ARHGEF10L: variants seen among roughly 807,000 people sequenced by gnomAD.
ARHGEF10L encodes Rho guanine nucleotide exchange factor 10 like.
A neutral mutation model predicts 141.2 loss-of-function variants in ARHGEF10L; 69 were observed. That is an observed-to-expected ratio of 0.49 (90% CI 0.40 to 0.60). ARHGEF10L has a LOEUF of 0.60. Ranked by LOEUF, ARHGEF10L falls within the 20% of genes least tolerant of loss-of-function variation. The probability of loss-of-function intolerance (pLI) is 0.00; values close to 1 mark genes in which losing one functional copy is unlikely to be tolerated. For synonymous variants in ARHGEF10L, 711 were observed against 718.5 expected (o/e 0.99, Z 0.17); for missense variants, 1,482 against 1,734.3 (o/e 0.85, Z 2.58).
chr1:17,610,565 A>G (rs954042718), intron 7 of ARHGEF10L, among the ~76,000 whole-genome samples: 6 of 152,154 alleles, frequency 3.9e-5, no homozygotes, highest in African/African-American at 9.7e-5. Context: ...CAGGGACTCT[A>G]CTGAGCCTGC....
chr1:17,680,030 T>C (rs1165589173), intron 26 of ARHGEF10L, among the ~76,000 whole-genome samples: 2 of 152,170 alleles, frequency 1.3e-5, no homozygotes, highest in East Asian at 1.9e-4. Context: ...GAGGACAGCA[T>C]GTGAGCTTGG....
rs914324907 is a variant in ARHGEF10L, at chr1:17,557,405, CT to C, written c.-44+17459del. 2.5e-4 allele frequency among the ~76,000 whole-genome samples: 38 copies of C among 152,246 alleles called. 1 individual carries two copies. Among genetic ancestry groups the C allele is most frequent in the African/African-American group, 9.1e-4 (38 of 41,534 alleles). On this transcript the variant is annotated intron_variant, in intron 1 of 28. Coordinates refer to ENST00000361221, the MANE Select transcript of ARHGEF10L (RefSeq NM_018125.4). ...AGAAAATGCGTAGGAACATGCTAAC[CT>C]TTTGGGGTTGGTGACGGGCTCTGTG...
rs116382965 is a variant in ARHGEF10L, at chr1:17,625,070, C to T, written c.1317+567C>T. ...TGCAACTGGGCTAGGTGCCAGGACA[C>T]GCACACATGTGCCGGCAGCACAGGT... is the stretch of plus-strand genomic sequence containing the variant. On this transcript the variant is annotated intron_variant, in intron 13 of 28. Coordinates refer to ENST00000361221, the MANE Select transcript of ARHGEF10L (RefSeq NM_018125.4). This position sits in a 1 kb window ranked among gnomAD's most constrained non-coding sequence, Gnocchi z 4.5. 0.023 allele frequency among the ~76,000 whole-genome samples: 3,523 copies of T among 152,296 alleles called. 144 individuals carry two copies. The highest frequency in any genetic ancestry group is 0.081 in the African/African-American group (3,354 of 41,538).
chr1:17,624,943 G>T (rs1183601575), intron 13 of ARHGEF10L, among the ~76,000 whole-genome samples: 1 of 152,210 alleles, frequency 6.6e-6, no homozygotes, highest in Non-Finnish European at 1.5e-5. Flanking sequence ...GCTTCGAAAA[G>T]CTTCTGAGTT....
At chr1:17,659,545 G>A (rs984387867) in intron 25 of ARHGEF10L, among the ~76,000 whole-genome samples, 3 of 152,220 alleles carry the variant, frequency 2.0e-5, no homozygotes, top group Admixed American at 2.0e-4. Flanking sequence ...CATCCCAGCA[G>A]CAGAGCCAGG....
intron 5 of ARHGEF10L, 29 bp downstream of exon 5, chr1:17,602,247 C>A (rs1258948972): frequency 6.5e-7 from 1 of 1,548,412 alleles, no homozygotes; most frequent in Non-Finnish European, 8.7e-7. Context: ...CCACCGCCCA[C>A]CCCAGGTAGC....
At chr1:17,522,725 T>G in the ARHGEF10L span, among the ~76,000 whole-genome samples, 1 of 151,842 alleles carries the variant, frequency 6.6e-6, no homozygotes, top group African/African-American at 2.4e-5. Flanking sequence ...TCTGGCTGGA[T>G]CTCTTCAGTT....
chr1:17,527,874 T>C, the ARHGEF10L span, among the ~76,000 whole-genome samples: 1 of 149,768 alleles, frequency 6.7e-6, no homozygotes, highest in Non-Finnish European at 1.5e-5. Flanking sequence ...TCTTTTCTTT[T>C]TTTTTTTTTT....
intron 4 of ARHGEF10L, among the ~76,000 whole-genome samples, chr1:17,592,492 A>G (rs980903395): frequency 6.6e-6 from 1 of 151,996 alleles, no homozygotes; most frequent in African/African-American, 2.4e-5. Context: ...CTGGGAGAGG[A>G]CAGGGAGACT....
chr1:17,515,282 T>C, the ARHGEF10L span, among the ~76,000 whole-genome samples: 4 of 134,458 alleles, frequency 3.0e-5, no homozygotes, highest in African/African-American at 1.1e-4. Context: ...ATATTATTTC[T>C]TTTTCTCTCT....
At chr1:17,559,913 C>G (rs951128869) in intron 1 of ARHGEF10L, among the ~76,000 whole-genome samples, 2 of 152,100 alleles carry the variant, frequency 1.3e-5, no homozygotes, top group African/African-American at 4.8e-5. Flanking sequence ...ACTCCTGTCC[C>G]TCCACACCTC....
chr1:17,650,178 G>A (rs2061834576), intron 22 of ARHGEF10L, among the ~76,000 whole-genome samples: 1 of 152,166 alleles, frequency 6.6e-6, no homozygotes, highest in East Asian at 1.9e-4. Flanking sequence ...GGGAGGCTGA[G>A]GTGGGAGGGT....
rs1383326435 is a variant in ARHGEF10L at position 17,558,255 on chromosome 1, A to G, written c.-44+18305A>G. Reference sequence around the variant, plus strand: ...CATCCATTTATCTACCCATCCACCTACTCATTCATTCATCTATCCATCCAC... The same window carrying G: ...CATCCATTTATCTACCCATCCACCTGCTCATTCATTCATCTATCCATCCAC... On this transcript the variant is annotated intron_variant, in intron 1 of 28. Transcript: ENST00000361221. The surrounding 1 kb of genome is among the most constrained non-coding windows in gnomAD (Gnocchi z 4.2). Among the ~76,000 whole-genome samples, 2 of 151,494 alleles carry G rather than the reference A, an allele frequency of 1.3e-5. No individual in the cohort carries two copies. Among genetic ancestry groups the G allele is most frequent in the Admixed American group, 1.3e-4 (2 of 15,188 alleles).
At chr1:17,624,079 A>G (rs1442233799) in intron 12 of ARHGEF10L, among the ~76,000 whole-genome samples, 1 of 152,098 alleles carries the variant, frequency 6.6e-6, no homozygotes, top group African/African-American at 2.4e-5. Context: ...TCCTCCCTCC[A>G]CCTGTGGGCT....
chr1:17,539,872 G>T lies in ARHGEF10L; in HGVS notation c.-122G>T. 6.7e-6 allele frequency: 1 copy of T among 149,482 alleles called. No individual in the cohort carries two copies. The highest frequency in any genetic ancestry group is 2.0e-4 in the South Asian group (1 of 5,030). The allele number at this position is 149,482 out of a possible 1,614,324, so 9.3% of individuals were successfully genotyped here. On this transcript the variant is annotated 5_prime_UTR_variant, in exon 1 of 29. Coordinates refer to ENST00000361221, the MANE Select transcript of ARHGEF10L (RefSeq NM_018125.4). The surrounding 1 kb of genome is among the most constrained non-coding windows in gnomAD (Gnocchi z 6.0). ...CCATGGGCGCCCGCGGCGGCCTGCG[G>T]AGCTGGAGGCGCGGCGCCGGCCGCC...
chr1:17,513,684 G>A, the ARHGEF10L span, among the ~76,000 whole-genome samples: 2 of 152,206 alleles, frequency 1.3e-5, no homozygotes, highest in African/African-American at 4.8e-5. Flanking sequence ...GGGTCAGAAA[G>A]AGAAATCTGG....
chr1:17,528,735 C>T, the ARHGEF10L span, among the ~76,000 whole-genome samples: 55 of 152,246 alleles, frequency 3.6e-4, no homozygotes, highest in South Asian at 1.2e-3. Context: ...ATCCTGCCCT[C>T]GGGGGATAAT....
chr1:17,607,733 G>T lies in ARHGEF10L; in HGVS notation c.434-69G>T. 1.4e-6 allele frequency: 2 copies of T among 1,397,910 alleles called. No homozygotes were observed. Among genetic ancestry groups the T allele is most frequent in the East Asian group, 2.9e-5 (1 of 34,310 alleles). The allele number at this position is 1,397,910 out of a possible 1,614,324, so 86.6% of individuals were successfully genotyped here. ...CGCCCCACCTGGGTTCAGAAATTGG[G>T]TCTGAGGCTGGAAGTCTGGTAGGCT... On this transcript the variant is annotated intron_variant, in intron 6 of 28. Coordinates refer to ENST00000361221, the MANE Select transcript of ARHGEF10L (RefSeq NM_018125.4). This position sits in a 1 kb window ranked among gnomAD's most constrained non-coding sequence, Gnocchi z 4.5.
At chr1:17,638,723 G>A (rs2061160112) in intron 20 of ARHGEF10L, 34 bp downstream of exon 20, 1 of 1,611,750 alleles carries the variant, frequency 6.2e-7, no homozygotes, top group Non-Finnish European at 8.5e-7. Context: ...GAGGGCTGCT[G>A]CCTCTGCTGG....
Sources: allele counts gnomAD v4.1 joint callset (sites outside exome capture counted in the v4.1 genomes callset), GRCh38; gene constraint gnomAD v4.1.1; non-coding constraint Gnocchi (gnomAD v3.1); transcripts MANE v1.5; gene names NCBI Gene and HGNC (gene_info 2026-07-23, HGNC 2026-07-21).